GARNL3: variants seen among roughly 807,000 people sequenced by gnomAD.
GARNL3 encodes the protein GTPase activating Rap/RanGAP domain like 3, also known as GTPase-activating Rap/Ran-GAP domain-like protein 3.
In GARNL3, 63 loss-of-function variants were observed where a neutral mutation model predicts 125.0. That is an observed-to-expected ratio of 0.50 (90% CI 0.41 to 0.62). GARNL3 has a LOEUF of 0.62. GARNL3 is among the 20% of genes least tolerant of loss of function. The pLI, the probability that GARNL3 is intolerant of heterozygous loss-of-function variation, is 0.00. For missense variants in GARNL3, 994 were observed against 1,244.0 expected, an observed-to-expected ratio of 0.80 and a Z score of 3.02; for synonymous variants, 439 against 457.5, an observed-to-expected ratio of 0.96 and a Z score of 0.52.
intron 2 of GARNL3, among the ~76,000 whole-genome samples, chr9:127,292,284 A>G (rs930899257): frequency 7.2e-5 from 11 of 152,196 alleles, no homozygotes; most frequent in Admixed American, 5.9e-4. Flanking sequence ...CTTGTTCAGA[A>G]TGATGTTAGC....
intron 3 of GARNL3, among the ~76,000 whole-genome samples, chr9:127,312,393 A>G (rs1319828234): frequency 2.0e-5 from 3 of 152,150 alleles, no homozygotes; most frequent in Non-Finnish European, 4.4e-5. Flanking sequence ...GTGCATATCT[A>G]GTAGGTTTGA....
chr9:127,312,814 C>T (rs1178349133), intron 3 of GARNL3, among the ~76,000 whole-genome samples: 1 of 152,120 alleles, frequency 6.6e-6, no homozygotes, highest in Non-Finnish European at 1.5e-5. Context: ...GCAGGAAAAC[C>T]GTCATCTTCC....
intron 2 of GARNL3, among the ~76,000 whole-genome samples, chr9:127,255,698 T>C (rs1055858720): frequency 6.6e-6 from 1 of 152,246 alleles, no homozygotes; most frequent in Non-Finnish European, 1.5e-5. Flanking sequence ...AACCAAGATC[T>C]AGAATCAGTG....
At position 127,320,784 on chromosome 9, in the gene GARNL3, A is replaced by C. The variant is rs1342768903; in HGVS notation, c.567+6A>C. On this transcript the variant is annotated splice_donor_region_variant and intron_variant, in intron 6 of 27. Coordinates refer to ENST00000373387, the MANE Select transcript of GARNL3 (RefSeq NM_032293.5). ...TTCATCCTGAAATACAAAAGGTAAC[A>C]GAAAATTTTATGCTTCATAATTGTA... The C allele has an allele frequency of 1.3e-6, 2 of 1,576,792 alleles. No homozygotes were observed. The highest frequency in any genetic ancestry group is 1.3e-5 in the African/African-American group (1 of 74,182).
chr9:127,304,528 T>TTG (rs2064892530), intron 2 of GARNL3, among the ~76,000 whole-genome samples: 1 of 99,962 alleles, frequency 1.0e-5, no homozygotes, highest in Non-Finnish European at 1.8e-5. Flanking sequence ...AGTGGCTTTA[T>TTG]TCTTTTTTTT....
In GARNL3 at chr9:127,357,329, TGA is replaced by T; in HGVS notation, c.2050_2051del (p.Ser684HisfsTer16). On this transcript the variant is annotated frameshift_variant, in exon 21 of 28. Coordinates refer to ENST00000373387, the MANE Select transcript of GARNL3 (RefSeq NM_032293.5). LOFTEE classifies it high-confidence loss of function. ...AYRHQFDVVN[E>X]STGEAFRLHH... is the part of the protein sequence containing the mutation. Reference sequence around the variant, plus strand: ...ATCGACACCAATTTGATGTGGTGAATGAGAGCACAGGAGAAGCCTTCAGGCTG... The same window carrying T: ...ATCGACACCAATTTGATGTGGTGAATGAGCACAGGAGAAGCCTTCAGGCTG... 1 of 1,614,144 alleles carries T rather than the reference TGA, an allele frequency of 6.2e-7. No individual in the cohort carries two copies. The highest frequency in any genetic ancestry group is 8.5e-7 in the Non-Finnish European group (1 of 1,180,034).
chr9:127,378,243 C>CAAAA (rs386361566), intron 22 of GARNL3, among the ~76,000 whole-genome samples: 1,907 of 88,146 alleles, frequency 0.022, 49 homozygotes, highest in East Asian at 0.15. Flanking sequence ...GACTCTGTCT[C>CAAAA]AAAAAAAAAA....
intron 2 of GARNL3, among the ~76,000 whole-genome samples, chr9:127,253,520 G>A (rs1462642309): frequency 2.0e-5 from 3 of 152,208 alleles, no homozygotes; most frequent in East Asian, 3.8e-4. Context: ...TGTAGGTGGG[G>A]AGGCGGTTGT....
At chr9:127,351,545 C>T (rs1490849641) in intron 17 of GARNL3, among the ~76,000 whole-genome samples, 1 of 151,644 alleles carries the variant, frequency 6.6e-6, no homozygotes, top group East Asian at 1.9e-4. Context: ...CCACAATTCT[C>T]TTATTTCTTT....
chr9:127,335,624 CTCT>C (rs1209300127), intron 10 of GARNL3, among the ~76,000 whole-genome samples: 2 of 152,072 alleles, frequency 1.3e-5, no homozygotes, highest in African/African-American at 4.8e-5. Context: ...GTTTCATAGA[CTCT>C]TTTTTGTCTC....
chr9:127,358,804 A>G (rs186190351), intron 21 of GARNL3, among the ~76,000 whole-genome samples: 156 of 152,198 alleles, frequency 1.0e-3, no homozygotes, highest in Non-Finnish European at 1.5e-3. Flanking sequence ...GGGGTGTGGC[A>G]TGGGTTTGGG....
intron 7 of GARNL3, among the ~76,000 whole-genome samples, chr9:127,330,489 A>G (rs1829161584): frequency 6.6e-6 from 1 of 152,212 alleles, no homozygotes; most frequent in Non-Finnish European, 1.5e-5. Flanking sequence ...TATGTCATGA[A>G]TATTTATTAA....
rs1467617751 is a variant in GARNL3 at position 127,354,301 on chromosome 9, T to C, written c.1650T>C (p.Asp550=). Residue 550 remains aspartate (D), a synonymous_variant, in exon 19 of 28, where the codon GAT becomes GAC. Transcript: ENST00000373387. ...LLVLRADKGK[D]ARLFVFRLSA... ...TCTTTTTTATGTCACCAGGAAAAGA[T>C]GCTCGCCTCTTTGTCTTCAGGCTAA... 1 of 1,611,440 alleles carries C rather than the reference T, an allele frequency of 6.2e-7. No individual in the cohort carries two copies. Among genetic ancestry groups the C allele is most frequent in the African/African-American group, 1.3e-5 (1 of 74,828 alleles).
intron 1 of GARNL3, among the ~76,000 whole-genome samples, chr9:127,231,138 T>G (rs1286212723): frequency 3.5e-5 from 5 of 142,136 alleles, no homozygotes; most frequent in Non-Finnish European, 6.0e-5. Context: ...CACTGCAAGC[T>G]CCGCCTTCTG....
chr9:127,256,620 G>A (rs562893938), intron 2 of GARNL3, among the ~76,000 whole-genome samples: 97 of 152,264 alleles, frequency 6.4e-4, no homozygotes, highest in East Asian at 1.7e-3. Flanking sequence ...CTCAGTAACC[G>A]TTTATTAAGT....
intron 1 of GARNL3, among the ~76,000 whole-genome samples, chr9:127,276,583 C>T (rs963870536): frequency 6.6e-6 from 1 of 152,184 alleles, no homozygotes; most frequent in Non-Finnish European, 1.5e-5. Flanking sequence ...TGCCTAAATG[C>T]CCACTGGCAG....
chr9:127,239,936 T>G (rs982367122), intron 1 of GARNL3, among the ~76,000 whole-genome samples: 4 of 152,122 alleles, frequency 2.6e-5, no homozygotes, highest in Admixed American at 2.0e-4. Context: ...TCTTAAAGTT[T>G]AAAGGGCTAG....
intron 24 of GARNL3, among the ~76,000 whole-genome samples, chr9:127,386,318 A>G (rs903515876): frequency 3.3e-5 from 5 of 152,238 alleles, no homozygotes. Flanking sequence ...ACACACTTCT[A>G]CGTTTCTTGT....
upstream of GARNL3, among the ~76,000 whole-genome samples, chr9:127,259,821 A>G (rs1235124257): frequency 6.6e-6 from 1 of 151,980 alleles, no homozygotes; most frequent in Non-Finnish European, 1.5e-5. Flanking sequence ...GGATCACTTG[A>G]GGCCAGAGTT....
Sources: gnomAD v4.1 joint callset for allele counts (sites outside exome capture counted in the v4.1 genomes callset) on GRCh38, gnomAD v4.1.1 for gene constraint, MANE v1.5 for transcripts, NCBI Gene and HGNC (gene_info 2026-07-23, HGNC 2026-07-21) for gene names.